RARB: variants seen among roughly 807,000 people sequenced by gnomAD.
RARB encodes the protein retinoic acid receptor beta.
In RARB, 17 loss-of-function variants were observed where a neutral mutation model predicts 51.9. That is an observed-to-expected ratio of 0.33 (90% confidence interval 0.22 to 0.49). The LOEUF is 0.49. Among genes scored for constraint, RARB ranks in the 20% least tolerant of loss-of-function variants. The pLI, the probability that RARB is intolerant of heterozygous loss-of-function variation, is 0.99. For synonymous variants in RARB, 215 were observed against 195.4 expected (o/e 1.10, Z -0.84); for missense variants, 369 against 550.8 (o/e 0.67, Z 3.30).
At chr3:25,317,057 T>G (rs1329397602) in intron 5 of RARB, among the ~76,000 whole-genome samples, 1 of 152,216 alleles carries the variant, frequency 6.6e-6, no homozygotes. Context: ...TATAACTAAC[T>G]GTTAAGTATT....
intron 4 of RARB, among the ~76,000 whole-genome samples, chr3:25,572,170 A>C (rs1351361602): frequency 6.6e-6 from 1 of 152,144 alleles, no homozygotes; most frequent in Non-Finnish European, 1.5e-5. Flanking sequence ...GCAATGGTGG[A>C]CTGTGTTGAG....
chr3:25,344,357 A>G (rs1705323775), intron 5 of RARB, among the ~76,000 whole-genome samples: 1 of 152,190 alleles, frequency 6.6e-6, no homozygotes, highest in African/African-American at 2.4e-5. Context: ...CTAACAAATT[A>G]AGAGCAATTA....
At chr3:24,890,336 A>G (rs1703353863) in intron 2 of RARB, among the ~76,000 whole-genome samples, 1 of 152,192 alleles carries the variant, frequency 6.6e-6, no homozygotes, top group African/African-American at 2.4e-5. Flanking sequence ...AGTTCTTTAG[A>G]CTTTTCTCTC....
At chr3:25,395,243 G>C (rs1260203612) in intron 5 of RARB, among the ~76,000 whole-genome samples, 2 of 152,160 alleles carry the variant, frequency 1.3e-5, no homozygotes, top group African/African-American at 4.8e-5. Flanking sequence ...ATCCCTTGTG[G>C]CTTGAAGGGT....
At chr3:25,371,727 A>G (rs752152) in intron 5 of RARB, among the ~76,000 whole-genome samples, 66,098 of 152,196 alleles carry the variant, frequency 0.43, 14,864 homozygotes, top group East Asian at 0.78. Flanking sequence ...TTACTGTACA[A>G]ACATGAAGTT....
intron 1 of RARB, among the ~76,000 whole-genome samples, chr3:24,857,562 A>G (rs529990552): frequency 1.6e-4 from 25 of 152,326 alleles, no homozygotes; most frequent in Non-Finnish European, 2.6e-4. Flanking sequence ...TTCAAATTCA[A>G]CTCAGCATCC....
At chr3:25,159,815 A>G (rs760263926) in intron 4 of RARB, among the ~76,000 whole-genome samples, 14 of 152,160 alleles carry the variant, frequency 9.2e-5, no homozygotes, top group Non-Finnish European at 2.1e-4. Flanking sequence ...GAGGAGGCCA[A>G]ACTTCAGTAT....
At chr3:25,092,937 A>G (rs1052599088) in intron 3 of RARB, among the ~76,000 whole-genome samples, 1 of 152,174 alleles carries the variant, frequency 6.6e-6, no homozygotes, top group Non-Finnish European at 1.5e-5. Flanking sequence ...TTCTTATAGC[A>G]TTACAGAGGT....
chr3:24,986,116 G>C (rs1299616498), intron 2 of RARB, among the ~76,000 whole-genome samples: 1 of 152,194 alleles, frequency 6.6e-6, no homozygotes, highest in Admixed American at 6.5e-5. Flanking sequence ...ACTATAAATT[G>C]TTTGATTCTG....
At chr3:25,125,365 A>C (rs1699844896) in intron 3 of RARB, among the ~76,000 whole-genome samples, 1 of 152,176 alleles carries the variant, frequency 6.6e-6, no homozygotes, top group Admixed American at 6.5e-5. Context: ...TTGGAGAGCA[A>C]ATCAGAGCAG....
chr3:25,478,223 C>T (rs1455510815), intron 2 of RARB, among the ~76,000 whole-genome samples: 1 of 152,192 alleles, frequency 6.6e-6, no homozygotes, highest in Non-Finnish European at 1.5e-5. Context: ...CATCCAGGTA[C>T]AAGAGGAGGG....
At chr3:25,163,824 G>C (rs971593807) in intron 4 of RARB, among the ~76,000 whole-genome samples, 1 of 152,184 alleles carries the variant, frequency 6.6e-6, no homozygotes, top group Admixed American at 6.5e-5. Context: ...AAATTCAGTT[G>C]TGATGTTTCT....
chr3:25,192,729 C>T (rs1275235300), intron 5 of RARB, among the ~76,000 whole-genome samples: 1 of 152,068 alleles, frequency 6.6e-6, no homozygotes, highest in South Asian at 2.1e-4. Flanking sequence ...ACAAAACACA[C>T]AGACACACAC....
At chr3:24,879,326 G>C (rs1703110249) in intron 2 of RARB, among the ~76,000 whole-genome samples, 1 of 152,038 alleles carries the variant, frequency 6.6e-6, no homozygotes, top group South Asian at 2.1e-4. Flanking sequence ...CTACTCGGGA[G>C]GCTGAGGCAG....
At chr3:25,544,008 A>G (rs2125658586) in intron 3 of RARB, among the ~76,000 whole-genome samples, 1 of 152,362 alleles carries the variant, frequency 6.6e-6, no homozygotes, top group African/African-American at 2.4e-5. Flanking sequence ...TTATGCTAGC[A>G]TAGAGTGGGT....
intron 5 of RARB, among the ~76,000 whole-genome samples, chr3:25,297,565 T>C (rs755923394): frequency 1.3e-5 from 2 of 152,086 alleles, no homozygotes; most frequent in Non-Finnish European, 2.9e-5. Flanking sequence ...CTGAAACAGC[T>C]TTTATCAAAA....
At chr3:25,201,331 C>A (rs182851983) in intron 5 of RARB, among the ~76,000 whole-genome samples, 1 of 152,162 alleles carries the variant, frequency 6.6e-6, no homozygotes, top group Non-Finnish European at 1.5e-5. Flanking sequence ...CGATTTTGGG[C>A]TGAGACGATG....
intron 2 of RARB, among the ~76,000 whole-genome samples, chr3:25,053,296 C>T (rs1392704609): frequency 6.6e-6 from 1 of 152,108 alleles, no homozygotes; most frequent in Non-Finnish European, 1.5e-5. Context: ...CAACTTCCAG[C>T]CTCTGCCTTG....
intron 5 of RARB, among the ~76,000 whole-genome samples, chr3:25,291,748 C>T (rs79389677): frequency 0.039 from 5,859 of 152,170 alleles, 155 homozygotes; most frequent in Middle Eastern, 0.071. Flanking sequence ...TCTTCAGACA[C>T]ATTCACATTC....
Sources: gnomAD v4.1 joint callset for allele counts (sites outside exome capture counted in the v4.1 genomes callset) on GRCh38, gnomAD v4.1.1 for gene constraint, MANE v1.5 for transcripts, NCBI Gene and HGNC (gene_info 2026-07-23, HGNC 2026-07-21) for gene names.